CD96: variants seen among roughly 807,000 people sequenced by gnomAD.
The protein encoded by CD96 is T-cell surface protein tactile.
A neutral mutation model predicts 71.3 loss-of-function variants in CD96; 70 were observed. The observed-to-expected ratio is 0.98, with a 90% CI of 0.81 to 1.20. The LOEUF (loss-of-function observed/expected upper bound fraction) is 1.20. CD96 is among the 50% of genes most tolerant of loss of function. CD96 has a pLI of 0.00. For missense variants in CD96, 742 were observed against 677.5 expected, an observed-to-expected ratio of 1.10 and a Z score of -1.06; for synonymous variants, 248 against 233.0, an observed-to-expected ratio of 1.06 and a Z score of -0.59.
At chr3:111,556,971 T>A (rs867143597) in intron 2 of CD96, among the ~76,000 whole-genome samples, 2 of 109,390 alleles carry the variant, frequency 1.8e-5, no homozygotes, top group African/African-American at 4.5e-5. Context: ...ATGAGCATTT[T>A]TTCATGTGTT....
chr3:111,562,109 G>A (rs1935468212), intron 2 of CD96, among the ~76,000 whole-genome samples: 2 of 152,242 alleles, frequency 1.3e-5, no homozygotes. Context: ...CCCACTGTCT[G>A]GCGCTCCCTA....
At chr3:111,598,477 A>C (rs1298905947) in intron 6 of CD96, among the ~76,000 whole-genome samples, 1 of 152,244 alleles carries the variant, frequency 6.6e-6, no homozygotes, top group Non-Finnish European at 1.5e-5. Flanking sequence ...CAGTAAAAGG[A>C]ATATCTTAAA....
At chr3:111,577,150 G>A (rs2107578090) in intron 3 of CD96, among the ~76,000 whole-genome samples, 1 of 152,248 alleles carries the variant, frequency 6.6e-6, no homozygotes, top group African/African-American at 2.4e-5. Flanking sequence ...AAAGAAAAAA[G>A]CAGTTTTTCT....
At chr3:111,577,660 A>G (rs758126923) in intron 3 of CD96, 2 of 810,806 alleles carry the variant, frequency 2.5e-6, no homozygotes, top group African/African-American at 1.7e-5. Context: ...AGATTCAGCT[A>G]AAGAACGGTG....
chr3:111,572,638 A>T (rs1936038214), intron 3 of CD96, among the ~76,000 whole-genome samples: 1 of 152,212 alleles, frequency 6.6e-6, no homozygotes, highest in Non-Finnish European at 1.5e-5. Context: ...AACTTCCTAT[A>T]CTGAACTCTG....
chr3:111,664,813 A>G (rs976848918), intron 14 of CD96, among the ~76,000 whole-genome samples: 8 of 152,230 alleles, frequency 5.3e-5, no homozygotes, highest in East Asian at 1.9e-4. Context: ...TCTAGATTGA[A>G]TCCTGTACTA....
In CD96 at chr3:111,651,397, G is replaced by C. The variant is rs1940069166; in HGVS notation, c.*1591G>C. On this transcript the variant is annotated 3_prime_UTR_variant, in exon 14 of 14. Coordinates refer to ENST00000352690, the MANE Select transcript of CD96 (RefSeq NM_005816.5). ...AATTTAAGGAGGTATTCACACTCAGGGTCATGCACTTGCACAATGTTGAGA... is the reference window on the plus strand; with the variant it reads ...AATTTAAGGAGGTATTCACACTCAGCGTCATGCACTTGCACAATGTTGAGA... The C allele has an allele frequency of 6.6e-6, 1 of 152,158 alleles. No individual in the cohort carries two copies. Among genetic ancestry groups the C allele is most frequent in the South Asian group, 2.1e-4 (1 of 4,824 alleles). The allele number at this position is 152,158 out of a possible 1,614,324, so 9.4% of individuals were successfully genotyped here. A position where few individuals can be genotyped will look rare whatever the true frequency, so the allele number is the denominator to read the frequency against.
chr3:111,648,633 C>A (rs973043854), intron 13 of CD96, among the ~76,000 whole-genome samples: 1 of 152,136 alleles, frequency 6.6e-6, no homozygotes, highest in African/African-American at 2.4e-5. Context: ...GATTAGAGAG[C>A]TTTATATTAA....
intron 8 of CD96, among the ~76,000 whole-genome samples, chr3:111,619,245 A>C (rs1330832447): frequency 8.3e-6 from 1 of 121,212 alleles, no homozygotes; most frequent in East Asian, 2.5e-4. Flanking sequence ...ATTTCCAGTG[A>C]TAGCATAAAA....
At chr3:111,654,581 C>T (rs1940184305), downstream of CD96, among the ~76,000 whole-genome samples, 1 of 152,224 alleles carries the variant, frequency 6.6e-6, no homozygotes, top group Non-Finnish European at 1.5e-5. Context: ...CTGTTCTGCA[C>T]ACTCAGGTTC....
intron 5 of CD96, 78 bp from the exon 6 acceptor site, chr3:111,598,042 A>G (rs1465504477): frequency 7.8e-6 from 6 of 768,106 alleles, no homozygotes; most frequent in Non-Finnish European, 7.1e-6. Context: ...TTGCCAACTT[A>G]TATGAATGTT....
intron 2 of CD96, among the ~76,000 whole-genome samples, chr3:111,550,510 G>A (rs1934644265): frequency 6.6e-6 from 1 of 151,888 alleles, no homozygotes; most frequent in Non-Finnish European, 1.5e-5. Flanking sequence ...TACACAGTAT[G>A]GAAGATAAAA....
chr3:111,636,304 C>T (rs1349212866), intron 10 of CD96, among the ~76,000 whole-genome samples: 1 of 152,148 alleles, frequency 6.6e-6, no homozygotes. Flanking sequence ...ACAAGGAAAG[C>T]GGAGGGCTGA....
At chr3:111,613,486 G>A (rs984605142) in intron 8 of CD96, among the ~76,000 whole-genome samples, 11 of 152,206 alleles carry the variant, frequency 7.2e-5, no homozygotes, top group African/African-American at 2.7e-4. Context: ...TGGGCTGAAG[G>A]TCAGTGCCCA....
chr3:111,664,739 G>A (rs994532708), intron 14 of CD96, among the ~76,000 whole-genome samples: 2 of 152,092 alleles, frequency 1.3e-5, no homozygotes, highest in Non-Finnish European at 2.9e-5. Context: ...ATAAAGAAAG[G>A]CTCTGAAAAT....
chr3:111,662,508 A>G (rs2107820555), intron 14 of CD96, among the ~76,000 whole-genome samples: 1 of 152,316 alleles, frequency 6.6e-6, no homozygotes, highest in South Asian at 2.1e-4. Context: ...TTCTAGTTTC[A>G]GGTTATTTCT....
At chr3:111,586,559 G>A (rs989582986) in intron 5 of CD96, among the ~76,000 whole-genome samples, 1 of 152,154 alleles carries the variant, frequency 6.6e-6, no homozygotes, top group Admixed American at 6.5e-5. Flanking sequence ...AATTTATACA[G>A]GGAAAAGAGT....
At chr3:111,606,652 T>C (rs1937633444) in intron 7 of CD96, 48 bp from the exon 8 acceptor site, 2 of 931,514 alleles carry the variant, frequency 2.1e-6, no homozygotes, top group East Asian at 4.8e-5. Context: ...ACTTTATCTT[T>C]TGATTACAAT....
At chr3:111,550,039 C>T (rs78894846) in intron 2 of CD96, among the ~76,000 whole-genome samples, 2,613 of 151,872 alleles carry the variant, frequency 0.017, 76 homozygotes, top group African/African-American at 0.057. Flanking sequence ...TCCATGGTGA[C>T]GGATGGAGAA....
Sources: gnomAD v4.1 joint callset for allele counts (sites outside exome capture counted in the v4.1 genomes callset) on GRCh38, gnomAD v4.1.1 for gene constraint, MANE v1.5 for transcripts, NCBI Gene and HGNC (gene_info 2026-07-23, HGNC 2026-07-21) for gene names.